The following PPM1D variants were observed in gnomAD, a reference collection of about 807,000 sequenced individuals.
PPM1D encodes the protein protein phosphatase, Mg2+/Mn2+ dependent 1D.
In PPM1D, 52 loss-of-function variants were observed where a neutral mutation model predicts 58.3. The observed-to-expected ratio is 0.89, with a 90% CI of 0.71 to 1.12. The LOEUF (loss-of-function observed/expected upper bound fraction) is 1.12, where lower values mean the gene tolerates loss of function less well. Among genes scored for constraint, PPM1D ranks in the 50% most tolerant of loss-of-function variants. The probability of loss-of-function intolerance (pLI) is 0.00; values close to 1 mark genes in which losing one functional copy is unlikely to be tolerated. For missense variants in PPM1D, 564 were observed against 777.2 expected, an observed-to-expected ratio of 0.73 and a Z score of 3.26; for synonymous variants, 278 against 285.1, an observed-to-expected ratio of 0.98 and a Z score of 0.25.
chr17:60,635,002 G>T (rs1263878297), intron 3 of PPM1D, among the ~76,000 whole-genome samples: 1 of 151,736 alleles, frequency 6.6e-6, no homozygotes, highest in Non-Finnish European at 1.5e-5. Flanking sequence ...GTGGTCCTGG[G>T]CTTAAGCCAT....
chr17:60,600,649 C>A lies in PPM1D; in HGVS notation c.235C>A (p.Leu79Ile). The A allele has an allele frequency of 6.5e-7, 1 of 1,549,784 alleles. No homozygotes were observed. Among genetic ancestry groups the A allele is most frequent in the Non-Finnish European group, 8.7e-7 (1 of 1,151,334 alleles). ...GGCAGCCCGAGAGGCTCGCGACCCT[C>A]TCCCGGACGCCGGGGCCTCGCCGGC... ...AVAAREARDP[L>I]PDAGASPAPS... The change falls in exon 1 of 6, where the codon CTC becomes ATC. Residue 79 changes from leucine (L) to isoleucine (I), a missense_variant. By Grantham distance (5) the Leu-to-Ile change is conservative (BLOSUM62 2). Transcript: ENST00000305921.
At chr17:60,605,201 C>T (rs1425422567) in intron 1 of PPM1D, among the ~76,000 whole-genome samples, 2 of 152,230 alleles carry the variant, frequency 1.3e-5, no homozygotes, top group East Asian at 3.8e-4. Context: ...TCTGGTGCCA[C>T]TGCCTTGACT....
intron 5 of PPM1D, 77 bp from the exon 6 acceptor site, chr17:60,662,918 G>T: frequency 7.3e-7 from 1 of 1,363,082 alleles, no homozygotes; most frequent in Non-Finnish European, 1.0e-6. Flanking sequence ...TTCATAAGAA[G>T]CCTAATATCA....
At chr17:60,655,371 C>T (rs562546733) in intron 4 of PPM1D, among the ~76,000 whole-genome samples, 14 of 152,246 alleles carry the variant, frequency 9.2e-5, no homozygotes, top group Non-Finnish European at 1.6e-4. Flanking sequence ...TGTTTTGAGA[C>T]GGAGTCTCGC....
At chr17:60,657,856 C>T (rs527917435) in intron 5 of PPM1D, among the ~76,000 whole-genome samples, 54 of 152,272 alleles carry the variant, frequency 3.5e-4, no homozygotes, top group South Asian at 1.9e-3. Flanking sequence ...TCTCCTGCCT[C>T]AGCCTCCCAA....
At chr17:60,657,421 TTGGTTG>T (rs1378706708) in intron 5 of PPM1D, among the ~76,000 whole-genome samples, 1 of 152,218 alleles carries the variant, frequency 6.6e-6, no homozygotes, top group Non-Finnish European at 1.5e-5. Flanking sequence ...ACTCAAATAC[TTGGTTG>T]TGTTTTCATC....
chr17:60,630,066 C>T (rs1366487500), intron 2 of PPM1D, among the ~76,000 whole-genome samples: 1 of 151,988 alleles, frequency 6.6e-6, no homozygotes, highest in Admixed American at 6.6e-5. Flanking sequence ...AATAAAGCAG[C>T]TGGCTGCGGC....
intron 2 of PPM1D, among the ~76,000 whole-genome samples, chr17:60,628,441 C>T (rs369472039): frequency 6.6e-6 from 1 of 152,240 alleles, no homozygotes; most frequent in African/African-American, 2.4e-5. Flanking sequence ...CGTCATGACA[C>T]GTATCCATCA....
chr17:60,648,422 T>G (rs981732490), intron 4 of PPM1D, among the ~76,000 whole-genome samples: 7 of 151,060 alleles, frequency 4.6e-5, no homozygotes, highest in South Asian at 2.1e-4. Flanking sequence ...TCTTGCTCTG[T>G]CACCCAGGCT....
Position 60,600,508 on chromosome 17 carries a change from G to C in PPM1D, c.94G>C (p.Glu32Gln). 6.4e-7 allele frequency: 1 copy of C among 1,568,544 alleles called. No individual in the cohort carries two copies. The highest frequency in any genetic ancestry group is 1.2e-5 in the South Asian group (1 of 85,394). ...CGTTACTCAAATCGTTGTGGAGCCCGAACCGACGGCTGAAGAAAAGCCCTC... is the reference window on the plus strand; with the variant it reads ...CGTTACTCAAATCGTTGTGGAGCCCCAACCGACGGCTGAAGAAAAGCCCTC... ...EDVTQIVVEP[E>Q]PTAEEKPSPR... The change falls in exon 1 of 6, where the codon GAA (glutamate) becomes CAA (glutamine). Residue 32 changes from glutamate (E) to glutamine (Q), a missense_variant. Glu to Gln is a conservative substitution (Grantham distance 29). Transcript: ENST00000305921.
At chr17:60,642,318 A>G (rs1277820478) in intron 3 of PPM1D, among the ~76,000 whole-genome samples, 2 of 151,270 alleles carry the variant, frequency 1.3e-5, no homozygotes, top group Non-Finnish European at 2.9e-5. Flanking sequence ...GTAAGTCTAT[A>G]TAGAGATAAA....
chr17:60,660,008 G>C (rs1037676323), intron 5 of PPM1D, among the ~76,000 whole-genome samples: 7 of 151,746 alleles, frequency 4.6e-5, no homozygotes, highest in Non-Finnish European at 8.8e-5. Context: ...TCAGGAGTTC[G>C]AGGCCAATAT....
intron 1 of PPM1D, among the ~76,000 whole-genome samples, chr17:60,602,421 T>C (rs2030234285): frequency 6.7e-6 from 1 of 150,192 alleles, no homozygotes; most frequent in African/African-American, 2.5e-5. Context: ...TACATTAGTA[T>C]TAAATTTTTT....
chr17:60,601,033 C>A, intron 1 of PPM1D, 147 bp downstream of exon 1: 5 of 1,241,070 alleles, frequency 4.0e-6, no homozygotes, highest in Non-Finnish European at 5.5e-6. Flanking sequence ...TAGCGCTTTG[C>A]TGGGTGGAGG....
chr17:60,642,267 T>C (rs981016499), intron 3 of PPM1D, among the ~76,000 whole-genome samples: 1 of 149,668 alleles, frequency 6.7e-6, no homozygotes, highest in Non-Finnish European at 1.5e-5. Context: ...AAACAAATTA[T>C]AACAGGAATA....
intron 3 of PPM1D, among the ~76,000 whole-genome samples, chr17:60,638,401 C>G (rs1163432266): frequency 6.6e-6 from 1 of 151,702 alleles, no homozygotes; most frequent in Non-Finnish European, 1.5e-5. Flanking sequence ...TGGAATCTCA[C>G]TCTGTTGCCC....
At chr17:60,611,496 C>T (rs1314425819) in intron 1 of PPM1D, among the ~76,000 whole-genome samples, 3 of 151,710 alleles carry the variant, frequency 2.0e-5, no homozygotes, top group Admixed American at 2.0e-4. Context: ...GCGGCACGAT[C>T]TTGGCTCTGC....
chr17:60,654,647 A>C (rs2031401790), intron 4 of PPM1D, among the ~76,000 whole-genome samples: 1 of 151,660 alleles, frequency 6.6e-6, no homozygotes, highest in African/African-American at 2.4e-5. Flanking sequence ...AGATCACCTA[A>C]GATTAGGAGT....
chr17:60,643,830 C>T (rs2031183701), intron 3 of PPM1D, among the ~76,000 whole-genome samples: 1 of 149,082 alleles, frequency 6.7e-6, no homozygotes, highest in African/African-American at 2.5e-5. Context: ...CAAGAGGAAA[C>T]AATCAGATGG....
Sources: gnomAD v4.1 joint callset for allele counts (sites outside exome capture counted in the v4.1 genomes callset) on GRCh38, gnomAD v4.1.1 for gene constraint, MANE v1.5 for transcripts, NCBI Gene and HGNC (gene_info 2026-07-23, HGNC 2026-07-21) for gene names.